Variants in ADAM11 observed in about 807,000 individuals in gnomAD.
ADAM11 encodes the protein ADAM metallopeptidase domain 11.
In ADAM11, 49 loss-of-function variants were observed where a neutral mutation model predicts 119.1. That is an observed-to-expected ratio of 0.41 (90% confidence interval 0.33 to 0.52). The LOEUF (loss-of-function observed/expected upper bound fraction) is 0.52, where lower values mean the gene tolerates loss of function less well. Ranked by LOEUF, ADAM11 falls within the 20% of genes least tolerant of loss-of-function variation. The pLI, the probability that ADAM11 is intolerant of heterozygous loss-of-function variation, is 0.20. For synonymous variants in ADAM11, 364 were observed against 408.0 expected (o/e 0.89, Z 1.30); for missense variants, 777 against 1,047.5 (o/e 0.74, Z 3.56).
Position 44,772,586 on chromosome 17 carries a change from G to T in ADAM11, c.678+120G>T. 7.6e-7 allele frequency: 1 copy of T among 1,308,938 alleles called. No homozygotes were observed. The allele number at this position is 1,308,938 out of a possible 1,614,324, so 81.1% of individuals were successfully genotyped here. A position where few individuals can be genotyped will look rare whatever the true frequency, so the allele number is the denominator to read the frequency against. ...GGCTGGGGCGAAGGAAGGCTCAGAT[G>T]GATGTGGCTGGGGGCCAGGGACCGT... is the stretch of plus-strand genomic sequence containing the variant. On this transcript the variant is annotated intron_variant, in intron 8 of 26. Transcript: ENST00000200557. This position sits in a 1 kb window ranked among gnomAD's most constrained non-coding sequence, Gnocchi z 4.5.
Position 44,774,700 on chromosome 17 carries a change from G to T in ADAM11, c.1171G>T (p.Asp391Tyr). ...TATCCGCCTGGCTCACCCCTCAGGG[G>T]ACTGCAAGTGTCCAGACATCTGGCT... ...MWNKHRSSAG[D>Y]CKCPDIWLGC... Residue 391 changes from aspartate to tyrosine, a missense_variant and splice_region_variant, in exon 14 of 27, where the codon GAC becomes TAC. By Grantham distance (160) the Asp-to-Tyr change is radical. Coordinates refer to ENST00000200557, the MANE Select transcript of ADAM11 (RefSeq NM_002390.6). 6.3e-7 allele frequency: 1 copy of T among 1,589,926 alleles called. No homozygotes were observed. Among genetic ancestry groups the T allele is most frequent in the Non-Finnish European group, 8.5e-7 (1 of 1,170,802 alleles).
At chr17:44,778,788 C>T (rs2049646301) in intron 25 of ADAM11, among the ~76,000 whole-genome samples, 2 of 151,202 alleles carry the variant, frequency 1.3e-5, no homozygotes, top group South Asian at 4.2e-4. Context: ...ATTTCCAGCT[C>T]TGGAAACATG....
Position 44,775,525 on chromosome 17 carries a change from C to CGT in ADAM11, c.1393-58_1393-57dup. The CGT allele has an allele frequency of 6.4e-7, 1 of 1,570,560 alleles. No individual in the cohort carries two copies. Among genetic ancestry groups the CGT allele is most frequent in the Middle Eastern group, 1.7e-4 (1 of 5,956 alleles). Reference sequence around the variant, plus strand: ...GGATGCGGGGGTGGGCACGAGGGAGCGTCTGAGTGGGAGGATTAGGGCTCG... The same window carrying CGT: ...GGATGCGGGGGTGGGCACGAGGGAGCGTGTCTGAGTGGGAGGATTAGGGCTCG... On this transcript the variant is annotated intron_variant, in intron 16 of 26. Transcript: ENST00000200557. The surrounding 1 kb of genome is among the most constrained non-coding windows in gnomAD (Gnocchi z 7.5).
In ADAM11 at chr17:44,759,142, C is replaced by T; in HGVS notation, c.-58C>T. 8.2e-7 allele frequency: 1 copy of T among 1,218,554 alleles called. No homozygotes were observed. Among genetic ancestry groups the T allele is most frequent in the Admixed American group, 4.3e-5 (1 of 23,162 alleles). The allele number at this position is 1,218,554 out of a possible 1,614,324, so 75.5% of individuals were successfully genotyped here. ...CGCCTCCCCACCCCCGTCCCTGCTCCCGCCCTCCCCGCGCCGCTGGCAGCC... is the reference window on the plus strand; with the variant it reads ...CGCCTCCCCACCCCCGTCCCTGCTCTCGCCCTCCCCGCGCCGCTGGCAGCC... On this transcript the variant is annotated 5_prime_UTR_variant, in exon 1 of 27. Coordinates refer to ENST00000200557, the MANE Select transcript of ADAM11 (RefSeq NM_002390.6).
chr17:44,777,344 C>T lies in ADAM11; in HGVS notation c.1781+79C>T. 1 of 1,538,776 alleles carries T rather than the reference C, an allele frequency of 6.5e-7. No individual in the cohort carries two copies. The highest frequency in any genetic ancestry group is 8.9e-7 in the Non-Finnish European group (1 of 1,127,288). On this transcript the variant is annotated intron_variant, in intron 21 of 26. Transcript: ENST00000200557. This position sits in a 1 kb window ranked among gnomAD's most constrained non-coding sequence, Gnocchi z 5.1. ...TTTCAGAGATGGGGCAGCAGGTTCT[C>T]CCAGGAGGAGCCTGTCAGTCCCAAT...
At position 44,759,840 on chromosome 17, in the gene ADAM11, A is replaced by G; in HGVS notation, c.180A>G (p.Gly60=). The G allele has an allele frequency of 2.3e-6, 3 of 1,314,768 alleles. No homozygotes were observed. The highest frequency in any genetic ancestry group is 2.9e-6 in the Non-Finnish European group (3 of 1,023,604). The allele number at this position is 1,314,768 out of a possible 1,614,324, so 81.4% of individuals were successfully genotyped here. A position where few individuals can be genotyped will look rare whatever the true frequency, so the allele number is the denominator to read the frequency against. Residue 60 remains glycine (G), a synonymous_variant, in exon 2 of 27, where the codon GGA becomes GGG. Coordinates refer to ENST00000200557, the MANE Select transcript of ADAM11 (RefSeq NM_002390.6). ...GTCTGGTTAGGGAGAGCTCCGGGGGAGAGGTCCGAAAGCAGCAGCTGGACA... is the reference window on the plus strand; with the variant it reads ...GTCTGGTTAGGGAGAGCTCCGGGGGGGAGGTCCGAAAGCAGCAGCTGGACA... ...PSRLVRESSG[G]EVRKQQLDTR... is the part of the protein sequence containing the mutation.
intron 25 of ADAM11, among the ~76,000 whole-genome samples, chr17:44,778,561 G>A (rs2049639223): frequency 6.6e-6 from 1 of 151,834 alleles, no homozygotes; most frequent in Non-Finnish European, 1.5e-5. Flanking sequence ...CCATGGTGGT[G>A]CGCACCTGTA....
intron 2 of ADAM11, among the ~76,000 whole-genome samples, chr17:44,765,641 CAG>C (rs1162405245): frequency 1.2e-4 from 7 of 60,716 alleles, no homozygotes; most frequent in South Asian, 4.7e-4. Context: ...TTTGTAGAGA[CAG>C]AGTGTTTTGC....
intron 2 of ADAM11, among the ~76,000 whole-genome samples, chr17:44,767,284 G>A (rs1037615464): frequency 6.6e-6 from 1 of 150,562 alleles, no homozygotes; most frequent in African/African-American, 2.5e-5. Context: ...GAACTCAGGA[G>A]GCAGAGGTTG....
intron 2 of ADAM11, among the ~76,000 whole-genome samples, chr17:44,760,592 C>T (rs1320008337): frequency 6.6e-6 from 1 of 152,194 alleles, no homozygotes; most frequent in African/African-American, 2.4e-5. Context: ...ATTCAGCACA[C>T]CCCAGCGCTC....
chr17:44,775,770 C>A lies in ADAM11; in HGVS notation c.1485+94C>A. 2 of 1,319,486 alleles carry A rather than the reference C, an allele frequency of 1.5e-6. No individual in the cohort carries two copies. Among genetic ancestry groups the A allele is most frequent in the Non-Finnish European group, 2.1e-6 (2 of 972,630 alleles). The allele number at this position is 1,319,486 out of a possible 1,614,324, so 81.7% of individuals were successfully genotyped here. A position where few individuals can be genotyped will look rare whatever the true frequency, so the allele number is the denominator to read the frequency against. On this transcript the variant is annotated intron_variant, in intron 17 of 26. Coordinates refer to ENST00000200557, the MANE Select transcript of ADAM11 (RefSeq NM_002390.6). The surrounding 1 kb of genome is among the most constrained non-coding windows in gnomAD (Gnocchi z 7.5). ...GTGGGAGCTAGGGAGGGAAGCGGAGCCTTCGGGGACGAAGGCCTCTGGGGC... is the reference window on the plus strand; with the variant it reads ...GTGGGAGCTAGGGAGGGAAGCGGAGACTTCGGGGACGAAGGCCTCTGGGGC...
chr17:44,777,780 G>T lies in ADAM11; in HGVS notation c.1987G>T (p.Asp663Tyr), dbSNP rs767622588. 1.9e-6 allele frequency: 3 copies of T among 1,613,988 alleles called. No individual in the cohort carries two copies. Among genetic ancestry groups the T allele is most frequent in the Non-Finnish European group, 2.5e-6 (3 of 1,179,984 alleles). ...TACGPNMLCL[D>Y]HRCLPASAFN... ...CTGCGGGCCTAACATGTTGTGCCTGGACCATCGCTGCCTGCCAGCTTCTGC... is the reference window on the plus strand; with the variant it reads ...CTGCGGGCCTAACATGTTGTGCCTGTACCATCGCTGCCTGCCAGCTTCTGC... The change falls in exon 23 of 27, where the codon GAC becomes TAC. Residue 663 changes from aspartate to tyrosine, a missense_variant. Asp to Tyr is a radical substitution (Grantham distance 160). This residue lies in a region of ADAM11 where 348 missense variants were observed against 486.7 expected (regional missense o/e 0.72). Transcript: ENST00000200557. The surrounding 1 kb of genome is among the most constrained non-coding windows in gnomAD (Gnocchi z 5.1).
chr17:44,769,948 G>A (rs766641070), intron 3 of ADAM11, 34 bp from the exon 4 acceptor site: 13 of 1,613,480 alleles, frequency 8.1e-6, no homozygotes, highest in Admixed American at 1.7e-5. Context: ...CACCTCGCCC[G>A]TGACCCCCCT....
In ADAM11 at chr17:44,781,545, ACC is replaced by A. The variant is rs2049694126; in HGVS notation, c.*1792_*1793del. Reference sequence around the variant, plus strand: ...ATCTGGGCACAGCTTTTGGATCCACACCTCTGCACAAGTGTGAATACCTCTGC... The same window carrying A: ...ATCTGGGCACAGCTTTTGGATCCACATCTGCACAAGTGTGAATACCTCTGC... On this transcript the variant is annotated 3_prime_UTR_variant, in exon 27 of 27. Transcript: ENST00000200557. 1 of 152,228 alleles carries A rather than the reference ACC, an allele frequency of 6.6e-6. No individual in the cohort carries two copies. Among genetic ancestry groups the A allele is most frequent in the African/African-American group, 2.4e-5 (1 of 41,408 alleles). The allele number at this position is 152,228 out of a possible 1,614,324, so 9.4% of individuals were successfully genotyped here.
At position 44,775,193 on chromosome 17, in the gene ADAM11, C is replaced by T. The variant is rs1450150643; in HGVS notation, c.1221-19C>T. 1 of 1,602,552 alleles carries T rather than the reference C, an allele frequency of 6.2e-7. No individual in the cohort carries two copies. Among genetic ancestry groups the T allele is most frequent in the Non-Finnish European group, 8.5e-7 (1 of 1,170,282 alleles). On this transcript the variant is annotated intron_variant, in intron 14 of 26. Coordinates refer to ENST00000200557, the MANE Select transcript of ADAM11 (RefSeq NM_002390.6). The surrounding 1 kb of genome is among the most constrained non-coding windows in gnomAD (Gnocchi z 7.5). The stretch of plus-strand genomic sequence containing the variant: ...GTTGGAGGGGAGCAGCCAGCAGCAC[C>T]TCCCCTCGCCCTATCCAGGTTCTAC...
Position 44,775,482 on chromosome 17 carries a change from G to A in ADAM11, c.1392+17G>A, listed in dbSNP as rs372965076. ...TCGGTGCAGGTGAGCGGTGGTGCGG[G>A]CGCCAGGTGGGGAACCGGGATGCGG... On this transcript the variant is annotated intron_variant, in intron 16 of 26. Transcript: ENST00000200557. This position sits in a 1 kb window ranked among gnomAD's most constrained non-coding sequence, Gnocchi z 7.5. The A allele has an allele frequency of 4.8e-5, 77 of 1,601,432 alleles. No individual in the cohort carries two copies. Among genetic ancestry groups the A allele is most frequent in the Non-Finnish European group, 6.2e-5 (73 of 1,177,024 alleles).
intron 2 of ADAM11, among the ~76,000 whole-genome samples, chr17:44,761,119 G>A (rs1248874250): frequency 1.3e-5 from 2 of 152,048 alleles, no homozygotes; most frequent in South Asian, 2.1e-4. Context: ...TGTCCTGGCC[G>A]CTGAGTCTGG....
At chr17:44,766,016 G>A (rs1032517473) in intron 2 of ADAM11, among the ~76,000 whole-genome samples, 2 of 152,096 alleles carry the variant, frequency 1.3e-5, no homozygotes, top group Admixed American at 6.5e-5. Flanking sequence ...TGTTGAGCTC[G>A]TGGGCAGGGA....
intron 4 of ADAM11, among the ~76,000 whole-genome samples, chr17:44,770,617 A>C (rs771132918): frequency 2.0e-5 from 3 of 152,060 alleles, no homozygotes; most frequent in African/African-American, 7.2e-5. Context: ...AGGAGGACAC[A>C]TGCTGCCCAT....
Sources: allele counts gnomAD v4.1 joint callset (sites outside exome capture counted in the v4.1 genomes callset), GRCh38; gene constraint gnomAD v4.1.1; regional missense constraint gnomAD v4.1.1; non-coding constraint Gnocchi (gnomAD v3.1); transcripts MANE v1.5; gene names NCBI Gene and HGNC (gene_info 2026-07-23, HGNC 2026-07-21).